The following RIMS2 variants were observed in gnomAD, a reference collection of about 807,000 sequenced individuals.
RIMS2 encodes the protein regulating synaptic membrane exocytosis 2.
In RIMS2, 59 loss-of-function variants were observed where a neutral mutation model predicts 174.4. The observed-to-expected ratio is 0.34, with a 90% CI of 0.27 to 0.42. The LOEUF (loss-of-function observed/expected upper bound fraction) is 0.42. Ranked by LOEUF, RIMS2 falls within the 10% of genes least tolerant of loss-of-function variation. RIMS2 has a pLI of 1.00. For synonymous variants in RIMS2, 606 were observed against 572.5 expected, an observed-to-expected ratio of 1.06 and a Z score of -0.84; for missense variants, 1,620 against 1,666.3, an observed-to-expected ratio of 0.97 and a Z score of 0.48.
chr8:103,797,884 TATATTGGC>T (rs2098562157), intron 3 of RIMS2, among the ~76,000 whole-genome samples: 1 of 152,162 alleles, frequency 6.6e-6, no homozygotes, highest in African/African-American at 2.4e-5. Flanking sequence ...TCATATATGT[TATATTGGC>T]ATAATTATTA....
At chr8:104,061,155 A>G (rs1442492205) in intron 19 of RIMS2, among the ~76,000 whole-genome samples, 1 of 152,132 alleles carries the variant, frequency 6.6e-6, no homozygotes, top group Non-Finnish European at 1.5e-5. Flanking sequence ...GATCTGTCTA[A>G]TGTTGACAGT....
intron 1 of RIMS2, among the ~76,000 whole-genome samples, chr8:103,633,352 T>C (rs2095992770): frequency 1.3e-5 from 2 of 152,098 alleles, no homozygotes; most frequent in African/African-American, 4.8e-5. Context: ...CATCCTGATT[T>C]TTATGTGTTG....
intron 19 of RIMS2, among the ~76,000 whole-genome samples, chr8:104,048,116 G>A (rs1419479540): frequency 2.0e-5 from 3 of 152,054 alleles, no homozygotes; most frequent in Non-Finnish European, 2.9e-5. Context: ...AATGTGGCAG[G>A]TATAAACTTC....
intron 19 of RIMS2, among the ~76,000 whole-genome samples, chr8:104,037,464 A>G (rs990547558): frequency 4.6e-5 from 7 of 152,224 alleles, no homozygotes; most frequent in African/African-American, 1.7e-4. Context: ...TGGTAACAGT[A>G]CCAAGTGTAT....
intron 1 of RIMS2, among the ~76,000 whole-genome samples, chr8:103,604,373 C>A (rs1395071291): frequency 6.6e-6 from 1 of 151,974 alleles, no homozygotes; most frequent in Non-Finnish European, 1.5e-5. Flanking sequence ...TGTTTTGGTA[C>A]CAGTACCATG....
At position 103,852,581 on chromosome 8, in the gene RIMS2, C is replaced by G. The variant is rs565685368; in HGVS notation, c.699-32717C>G. ...TCTCCCTCCCGCCTCAAGTGCAGCA[C>G]AGTGTCTATTGTTCCCATGTTTATG... On this transcript the variant is annotated intron_variant, in intron 3 of 23. Coordinates refer to ENST00000504942, the Ensembl canonical transcript of RIMS2. Among the ~76,000 whole-genome samples the G allele has an allele frequency of 1.6e-3, 248 of 151,926 alleles. 2 individuals are homozygous for G. Among genetic ancestry groups the G allele is most frequent in the Non-Finnish European group, 2.9e-3 (200 of 67,918 alleles).
In RIMS2 at chr8:104,113,105, A is replaced by G. The variant is rs16870950; in HGVS notation, c.3334+98490A>G. Reference sequence around the variant, plus strand: ...TATAATATCCAGAAAACCATAGGCCATCATTGGAAAGGACTTTAGAAGTTA... The same window carrying G: ...TATAATATCCAGAAAACCATAGGCCGTCATTGGAAAGGACTTTAGAAGTTA... On this transcript the variant is annotated intron_variant, in intron 19 of 23. Coordinates refer to ENST00000504942, the Ensembl canonical transcript of RIMS2. 1.0e-3 allele frequency among the ~76,000 whole-genome samples: 158 copies of G among 152,286 alleles called. 1 individual carries two copies. The East Asian group carries it at 0.021, about 20-fold the overall frequency.
intron 19 of RIMS2, among the ~76,000 whole-genome samples, chr8:104,082,344 A>G (rs1566251095): frequency 6.6e-6 from 1 of 152,180 alleles, no homozygotes; most frequent in Non-Finnish European, 1.5e-5. Context: ...TAATGATGGT[A>G]CAAAATAGGC....
At chr8:103,867,466 C>G (rs571689286) in intron 3 of RIMS2, among the ~76,000 whole-genome samples, 1 of 151,830 alleles carries the variant, frequency 6.6e-6, no homozygotes, top group South Asian at 2.1e-4. Flanking sequence ...TTCAGTTACT[C>G]TTTGTCATCA....
chr8:103,783,838 G>A (rs967461590), intron 3 of RIMS2, among the ~76,000 whole-genome samples: 7 of 151,460 alleles, frequency 4.6e-5, no homozygotes, highest in South Asian at 2.1e-4. Context: ...CTGAGGAATC[G>A]CCACACTGAC....
chr8:103,737,933 A>T (rs2097707782), intron 2 of RIMS2, among the ~76,000 whole-genome samples: 1 of 152,126 alleles, frequency 6.6e-6, no homozygotes, highest in African/African-American at 2.4e-5. Flanking sequence ...TTGAAAGTGC[A>T]CTTATATGAT....
chr8:104,163,140 T>A (rs2098774001), intron 19 of RIMS2, among the ~76,000 whole-genome samples: 1 of 152,198 alleles, frequency 6.6e-6, no homozygotes, highest in Non-Finnish European at 1.5e-5. Flanking sequence ...TGTCTGGCAT[T>A]GCAGACTTTA....
Position 103,697,350 on chromosome 8 carries a change from A to G in RIMS2, c.387+54A>G, listed in dbSNP as rs995449989. The G allele has an allele frequency of 1.6e-5, 21 of 1,318,310 alleles. 1 individual carries two copies. The South Asian group carries it at 2.2e-4, about 14-fold the overall frequency. 81.7% of individuals were successfully genotyped at this position (1,318,310 alleles called of 1,614,324 possible). ...CTAGTTAAGCTTATTGTGTTTATCTATTCACGTTAGAGAGTATGTTAATTC... is the reference window on the plus strand; with the variant it reads ...CTAGTTAAGCTTATTGTGTTTATCTGTTCACGTTAGAGAGTATGTTAATTC... On this transcript the variant is annotated intron_variant, in intron 2 of 23. Coordinates refer to ENST00000504942, the Ensembl canonical transcript of RIMS2.
intron 19 of RIMS2, among the ~76,000 whole-genome samples, chr8:104,164,786 C>T (rs1693321309): frequency 6.6e-6 from 1 of 152,102 alleles, no homozygotes; most frequent in Admixed American, 6.5e-5. Flanking sequence ...GAACAACACA[C>T]ACTGGGGTGT....
chr8:104,135,907 C>CA (rs1341269265), intron 19 of RIMS2, among the ~76,000 whole-genome samples: 1 of 152,112 alleles, frequency 6.6e-6, no homozygotes, highest in African/African-American at 2.4e-5. Flanking sequence ...GGAAAGGAGA[C>CA]AGAAAGCCTT....
intron 1 of RIMS2, among the ~76,000 whole-genome samples, chr8:103,502,543 A>G (rs905286596): frequency 1.3e-5 from 2 of 152,152 alleles, no homozygotes; most frequent in African/African-American, 4.8e-5. Context: ...TCAGATATGA[A>G]GAAATTAAGA....
At chr8:103,882,129 T>C (rs989603164) in intron 3 of RIMS2, among the ~76,000 whole-genome samples, 3 of 151,578 alleles carry the variant, frequency 2.0e-5, no homozygotes, top group Admixed American at 1.3e-4. Flanking sequence ...TATGGTTCTG[T>C]AGAGAAATAT....
intron 17 of RIMS2, among the ~76,000 whole-genome samples, chr8:104,011,670 A>G (rs1168288015): frequency 3.3e-5 from 5 of 152,082 alleles, no homozygotes; most frequent in Non-Finnish European, 5.9e-5. Context: ...ATGGAATCAG[A>G]ATAAATGAAA....
intron 3 of RIMS2, among the ~76,000 whole-genome samples, chr8:103,832,058 A>T (rs1409798006): frequency 6.6e-6 from 1 of 152,184 alleles, no homozygotes; most frequent in African/African-American, 2.4e-5. Flanking sequence ...TGCTCCTGTT[A>T]CAAAAACATC....
Sources: allele counts gnomAD v4.1 joint callset (sites outside exome capture counted in the v4.1 genomes callset), GRCh38; gene constraint gnomAD v4.1.1; transcripts MANE v1.5; gene names NCBI Gene and HGNC (gene_info 2026-07-23, HGNC 2026-07-21).